Variants in DNAJC10 observed in about 807,000 individuals in gnomAD.
DNAJC10 encodes DnaJ heat shock protein family (Hsp40) member C10.
Under a neutral mutation model 115.0 loss-of-function variants are expected in DNAJC10, and 101 were observed. The observed-to-expected ratio is 0.88, with a 90% CI of 0.75 to 1.04. The LOEUF is 1.04. Among genes scored for constraint, DNAJC10 ranks in the 50% least tolerant of loss-of-function variants. The pLI, the probability that DNAJC10 is intolerant of heterozygous loss-of-function variation, is 0.00. For missense variants in DNAJC10, 981 were observed against 928.8 expected, an observed-to-expected ratio of 1.06 and a Z score of -0.73; for synonymous variants, 307 against 301.5, an observed-to-expected ratio of 1.02 and a Z score of -0.19.
intron 5 of DNAJC10, among the ~76,000 whole-genome samples, chr2:182,725,205 T>A (rs1310922022): frequency 1.3e-5 from 2 of 152,208 alleles, no homozygotes; most frequent in Non-Finnish European, 2.9e-5. Flanking sequence ...TTCTGACTGC[T>A]CCCTCTTCCT....
At chr2:182,756,691 C>T (rs552436143) in intron 18 of DNAJC10, among the ~76,000 whole-genome samples, 59 of 150,036 alleles carry the variant, frequency 3.9e-4, no homozygotes, top group African/African-American at 1.2e-3. Flanking sequence ...TTTTTTTGGT[C>T]GGGTAGCAGG....
intron 16 of DNAJC10, among the ~76,000 whole-genome samples, chr2:182,752,843 A>G (rs927158685): frequency 3.3e-5 from 5 of 152,140 alleles, no homozygotes; most frequent in Non-Finnish European, 7.4e-5. Flanking sequence ...AGTATGGGAG[A>G]ACTTTACAGG....
chr2:182,729,495 C>T (rs556657378), intron 7 of DNAJC10, among the ~76,000 whole-genome samples: 1 of 152,154 alleles, frequency 6.6e-6, no homozygotes, highest in East Asian at 1.9e-4. Flanking sequence ...AAATGTTTGC[C>T]AATTTCAGTT....
intron 22 of DNAJC10, among the ~76,000 whole-genome samples, chr2:182,767,876 C>T (rs1465858309): frequency 1.3e-5 from 2 of 152,158 alleles, no homozygotes; most frequent in African/African-American, 4.8e-5. Flanking sequence ...ACACACTACA[C>T]TCCGTATCCT....
At position 182,756,314 on chromosome 2, in the gene DNAJC10, G is replaced by A. The variant is rs1694153906; in HGVS notation, c.1654G>A (p.Asp552Asn). The part of the protein sequence containing the change: ...SAEQILEFIE[D>N]LMNPSVVSLT... ...ATAATGGAAGCTATATTCTCTTCAG[G>A]ATCTTATGAATCCTTCAGTGGTCTC... Residue 552 changes from aspartate (D) to asparagine (N), a missense_variant and splice_region_variant, in exon 18 of 24, where the codon GAT becomes AAT. Asp to Asn is a conservative substitution (Grantham distance 23). Transcript: ENST00000264065. 2 of 1,609,872 alleles carry A rather than the reference G, an allele frequency of 1.2e-6. No individual in the cohort carries two copies. The highest frequency in any genetic ancestry group is 3.4e-5 in the Admixed American group (2 of 59,360).
intron 5 of DNAJC10, among the ~76,000 whole-genome samples, chr2:182,727,919 A>G (rs1189878938): frequency 6.6e-6 from 1 of 152,204 alleles, no homozygotes; most frequent in Non-Finnish European, 1.5e-5. Flanking sequence ...TATTGGCTAG[A>G]TATTATATGT....
At position 182,785,053 on chromosome 2, in the gene DNAJC10, A is replaced by G. The variant is rs919333294; in HGVS notation, c.*7921A>G. ...CTATGAGAAATTGCAGAAAAGTTAA[A>G]AGTATTTCGCATCCAAAAGTTTGTA... On this transcript the variant is annotated 3_prime_UTR_variant, in exon 24 of 24. Coordinates refer to ENST00000264065, the MANE Select transcript of DNAJC10 (RefSeq NM_018981.4). 1 of 152,196 alleles carries G rather than the reference A, an allele frequency of 6.6e-6. No individual in the cohort carries two copies. The highest frequency in any genetic ancestry group is 2.4e-5 in the African/African-American group (1 of 41,462). 9.4% of individuals were successfully genotyped at this position (152,196 alleles called of 1,614,324 possible).
chr2:182,771,917 G>T (rs1694574352), intron 22 of DNAJC10, among the ~76,000 whole-genome samples: 1 of 152,124 alleles, frequency 6.6e-6, no homozygotes. Flanking sequence ...ATGTTAGGGT[G>T]TCAATTTTAG....
Position 182,788,020 on chromosome 2 carries a change from C to G in DNAJC10, c.*10888C>G, listed in dbSNP as rs747118072. On this transcript the variant is annotated 3_prime_UTR_variant, in exon 24 of 24. Coordinates refer to ENST00000264065, the MANE Select transcript of DNAJC10 (RefSeq NM_018981.4). ...AAGGCATATTATTTTACTGTACTCT[C>G]AGAAAGATGTTTAACAAATACTTGA... is the stretch of plus-strand genomic sequence containing the variant. The G allele has an allele frequency of 2.0e-5, 3 of 152,130 alleles. No homozygotes were observed. Among genetic ancestry groups the G allele is most frequent in the Non-Finnish European group, 2.9e-5 (2 of 68,038 alleles). The allele number at this position is 152,130 out of a possible 1,614,324, so 9.4% of individuals were successfully genotyped here.
At chr2:182,757,277 C>T (rs1183245966) in intron 18 of DNAJC10, among the ~76,000 whole-genome samples, 1 of 152,132 alleles carries the variant, frequency 6.6e-6, no homozygotes, top group Non-Finnish European at 1.5e-5. Flanking sequence ...TTTAGGATTA[C>T]ATATTTTTGT....
At chr2:182,771,677 C>T (rs999891195) in intron 22 of DNAJC10, among the ~76,000 whole-genome samples, 1 of 151,932 alleles carries the variant, frequency 6.6e-6, no homozygotes, top group African/African-American at 2.4e-5. Context: ...GGTGATATCC[C>T]CTTTATCATT....
At chr2:182,746,338 A>T (rs1017642540) in intron 14 of DNAJC10, among the ~76,000 whole-genome samples, 1 of 152,196 alleles carries the variant, frequency 6.6e-6, no homozygotes. Flanking sequence ...GAACTAGTTT[A>T]CAGTCCCACC....
chr2:182,743,664 C>T lies in DNAJC10; in HGVS notation c.1258C>T (p.Leu420=), dbSNP rs1376167394. ...CSNLYVFQPS[L]AVFKGQGTKE... ...TAATCTGTATGTTTTTCAGCCGTCT[C>T]TAGCAGTATTTAAAGGACAAGGAAC... The change falls in exon 14 of 24, where the codon CTA becomes TTA. Residue 420 remains leucine, a synonymous_variant. Coordinates refer to ENST00000264065, the MANE Select transcript of DNAJC10 (RefSeq NM_018981.4). The T allele has an allele frequency of 3.7e-6, 6 of 1,613,392 alleles. No homozygotes were observed. The East Asian group carries it at 6.7e-5, about 18-fold the overall frequency.
At chr2:182,768,692 C>G (rs778099453) in intron 22 of DNAJC10, among the ~76,000 whole-genome samples, 2 of 152,122 alleles carry the variant, frequency 1.3e-5, no homozygotes, top group African/African-American at 2.4e-5. Flanking sequence ...TGCTTTTCAG[C>G]CACCTTCCTG....
Position 182,736,267 on chromosome 2 carries a change from G to C in DNAJC10, c.868G>C (p.Gly290Arg), listed in dbSNP as rs769390499. 8 of 1,575,438 alleles carry C rather than the reference G, an allele frequency of 5.1e-6. No homozygotes were observed. The highest frequency in any genetic ancestry group is 6.0e-6 in the Non-Finnish European group (7 of 1,166,754). Residue 290 changes from glycine to arginine, a missense_variant, in exon 11 of 24, where the codon GGA becomes CGA. Transcript: ENST00000264065. ...ATTTTAGGATGGTCTTGTTAATGTA[G>C]GATGGATGGACTGTGCCACCCAGGA... The part of the protein sequence containing the change: ...SGMLDGLVNV[G>R]WMDCATQDNL...
In DNAJC10 at chr2:182,783,502, A is replaced by T. The variant is rs1311997598; in HGVS notation, c.*6370A>T. Reference sequence around the variant, plus strand: ...TAAAATGAAACAATTTGTTGGCTTTAATGTATTTAGGAAAAATCATTTATT... The same window carrying T: ...TAAAATGAAACAATTTGTTGGCTTTTATGTATTTAGGAAAAATCATTTATT... On this transcript the variant is annotated 3_prime_UTR_variant, in exon 24 of 24. Transcript: ENST00000264065. 6.6e-6 allele frequency: 1 copy of T among 152,322 alleles called. No individual in the cohort carries two copies. Among genetic ancestry groups the T allele is most frequent in the East Asian group, 1.9e-4 (1 of 5,194 alleles). The allele number at this position is 152,322 out of a possible 1,614,324, so 9.4% of individuals were successfully genotyped here. A position where few individuals can be genotyped will look rare whatever the true frequency, so the allele number is the denominator to read the frequency against.
At chr2:182,719,795 TTAC>T (rs1459846833) in intron 3 of DNAJC10, among the ~76,000 whole-genome samples, 9 of 122,660 alleles carry the variant, frequency 7.3e-5, no homozygotes, top group Admixed American at 2.6e-4. Context: ...ATTACTTTTC[TTAC>T]TTTTTTTTTT....
At chr2:182,717,227 C>A (rs1693017111) in intron 2 of DNAJC10, among the ~76,000 whole-genome samples, 155 bp downstream of exon 2, 1 of 152,136 alleles carries the variant, frequency 6.6e-6, no homozygotes, top group African/African-American at 2.4e-5. Context: ...TGTTTTTGCC[C>A]TGCAGAGAGT....
intron 14 of DNAJC10, among the ~76,000 whole-genome samples, chr2:182,749,717 G>T (rs1227608438): frequency 1.3e-5 from 2 of 152,214 alleles, no homozygotes; most frequent in Non-Finnish European, 2.9e-5. Context: ...AAAAGTGTTT[G>T]CAGTGGAGAG....
Sources: allele counts gnomAD v4.1 joint callset (sites outside exome capture counted in the v4.1 genomes callset), GRCh38; gene constraint gnomAD v4.1.1; transcripts MANE v1.5; gene names NCBI Gene and HGNC (gene_info 2026-07-23, HGNC 2026-07-21).